Variants in ATF7 observed in about 807,000 individuals in gnomAD.
ATF7 encodes activating transcription factor 7.
ATF7 carries 10 observed loss-of-function variants against 50.4 expected under a neutral mutation model. That is an observed-to-expected ratio of 0.20 (90% CI 0.12 to 0.34). The LOEUF (loss-of-function observed/expected upper bound fraction) is 0.34. ATF7 is among the 10% of genes least tolerant of loss of function. The probability of loss-of-function intolerance (pLI) is 1.00; values close to 1 mark genes in which losing one functional copy is unlikely to be tolerated. For synonymous variants in ATF7, 201 were observed against 226.4 expected (o/e 0.89, Z 1.01); for missense variants, 465 against 613.9 (o/e 0.76, Z 2.56).
intron 1 of ATF7, among the ~76,000 whole-genome samples, chr12:53,611,433 C>T (rs940058567): frequency 2.6e-5 from 4 of 151,658 alleles, no homozygotes; most frequent in Non-Finnish European, 5.9e-5. Context: ...AGCCTGGTGA[C>T]AGAGCGAGAC....
At chr12:53,531,655 A>G (rs1938898302) in intron 9 of ATF7, 89 bp downstream of exon 9, 2 of 1,385,004 alleles carry the variant, frequency 1.4e-6, no homozygotes, top group East Asian at 2.6e-5. Flanking sequence ...GCTGAAGTCC[A>G]TTCTTCTCTA....
chr12:53,548,555 A>C (rs1228176412), intron 3 of ATF7, among the ~76,000 whole-genome samples: 1 of 151,804 alleles, frequency 6.6e-6, no homozygotes, highest in African/African-American at 2.4e-5. Flanking sequence ...CTGGCCTCTA[A>C]CTCCTGGGCT....
chr12:53,550,370 T>C, intron 3 of ATF7, among the ~76,000 whole-genome samples: 1 of 135,182 alleles, frequency 7.4e-6, no homozygotes, highest in Admixed American at 7.6e-5. Flanking sequence ...AAATAAATAA[T>C]AAATATAAAT....
intron 2 of ATF7, among the ~76,000 whole-genome samples, chr12:53,559,741 A>G (rs1940988224): frequency 6.6e-6 from 1 of 151,862 alleles, no homozygotes; most frequent in Non-Finnish European, 1.5e-5. Flanking sequence ...TAATTTTTAA[A>G]TTTGCATAAA....
intron 1 of ATF7, among the ~76,000 whole-genome samples, chr12:53,602,299 A>G (rs1375899453): frequency 6.6e-6 from 1 of 152,222 alleles, no homozygotes; most frequent in Non-Finnish European, 1.5e-5. Context: ...TCTTGGAAAT[A>G]AACTGAAATG....
chr12:53,534,601 C>A lies in ATF7; in HGVS notation c.461G>T (p.Gly154Val), dbSNP rs1272616708. 1.2e-6 allele frequency: 2 copies of A among 1,613,396 alleles called. No homozygotes were observed. Among genetic ancestry groups the A allele is most frequent in the African/African-American group, 2.7e-5 (2 of 74,870 alleles). Residue 154 changes from glycine (G) to valine (V), a missense_variant, in exon 6 of 12, where the codon GGC becomes GTC. Physicochemically the swap from Gly to Val is moderately radical, Grantham distance 109. Transcript: ENST00000420353. ...ATAGCCCAAGTGGAGAGGCAGGGAG[C>A]CAGGACGTACAATGGTGGGTGTGGG... ...STPTPTIVRP[G>V]SLPLHLGYDP...
chr12:53,578,675 T>G (rs1209896210), intron 2 of ATF7, among the ~76,000 whole-genome samples: 1 of 151,052 alleles, frequency 6.6e-6, no homozygotes, highest in Non-Finnish European at 1.5e-5. Context: ...TTCCAGCTAC[T>G]CCAGTGGCTG....
At chr12:53,623,560 T>C (rs372816855) in intron 1 of ATF7, among the ~76,000 whole-genome samples, 10 of 152,348 alleles carry the variant, frequency 6.6e-5, no homozygotes, top group East Asian at 3.9e-4. Context: ...TATACCAGTA[T>C]GCTAACTAGT....
intron 11 of ATF7, among the ~76,000 whole-genome samples, chr12:53,517,784 A>G (rs1044946959): frequency 6.7e-6 from 1 of 149,660 alleles, no homozygotes; most frequent in African/African-American, 2.5e-5. Flanking sequence ...TCATTTCTTT[A>G]AAGATGATTT....
chr12:53,609,868 G>A (rs1943783320), intron 1 of ATF7, among the ~76,000 whole-genome samples: 1 of 128,976 alleles, frequency 7.8e-6, no homozygotes, highest in Non-Finnish European at 1.5e-5. Context: ...CCAGGCTGGA[G>A]TGCAGTGGTG....
chr12:53,626,159 C>T (rs1410077586), intron 1 of ATF7, 120 bp downstream of exon 1: 2 of 153,066 alleles, frequency 1.3e-5, no homozygotes, highest in Non-Finnish European at 2.9e-5. Flanking sequence ...GCCACCGCCT[C>T]AGCGCCCCCG....
At chr12:53,565,614 T>C (rs1411004018) in intron 2 of ATF7, among the ~76,000 whole-genome samples, 1 of 152,028 alleles carries the variant, frequency 6.6e-6, no homozygotes, top group Non-Finnish European at 1.5e-5. Flanking sequence ...TACTTCGGCC[T>C]CCTGAGTAGC....
chr12:53,565,741 C>T (rs1330552964), intron 2 of ATF7, among the ~76,000 whole-genome samples: 1 of 152,152 alleles, frequency 6.6e-6, no homozygotes, highest in Non-Finnish European at 1.5e-5. Context: ...GATCCACCTG[C>T]CTCAGCTTCC....
At chr12:53,542,298 G>C (rs935620349) in intron 4 of ATF7, among the ~76,000 whole-genome samples, 13 of 151,678 alleles carry the variant, frequency 8.6e-5, no homozygotes, top group Non-Finnish European at 2.9e-5. Context: ...GTGGTGGTGG[G>C]CGCCTGTAGT....
chr12:53,531,400 C>T, intron 9 of ATF7, among the ~76,000 whole-genome samples: 1 of 131,794 alleles, frequency 7.6e-6, no homozygotes, highest in South Asian at 2.6e-4. Context: ...CCAGCCCAGG[C>T]AACAAGAGCG....
intron 1 of ATF7, among the ~76,000 whole-genome samples, chr12:53,620,421 A>G (rs1350288857): frequency 2.0e-5 from 3 of 151,288 alleles, no homozygotes; most frequent in African/African-American, 7.3e-5. Context: ...CTAAAAATAC[A>G]AAAAATTAGC....
At chr12:53,533,068 T>C in intron 7 of ATF7, 92 bp downstream of exon 7, 1 of 1,162,626 alleles carries the variant, frequency 8.6e-7, no homozygotes, top group Admixed American at 2.0e-5. Flanking sequence ...AGCCCACATT[T>C]CCCTGGGGCT....
At chr12:53,615,300 C>A (rs1565603029) in intron 1 of ATF7, among the ~76,000 whole-genome samples, 1 of 151,924 alleles carries the variant, frequency 6.6e-6, no homozygotes, top group Non-Finnish European at 1.5e-5. Context: ...AGAAGAATGG[C>A]ATGAACCCGG....
At chr12:53,603,724 T>C (rs1018687822) in intron 1 of ATF7, among the ~76,000 whole-genome samples, 2 of 145,080 alleles carry the variant, frequency 1.4e-5, no homozygotes, top group African/African-American at 5.0e-5. Context: ...GTCTCCCCAT[T>C]AAAAAAAAAA....
Sources: gnomAD v4.1 joint callset for allele counts (sites outside exome capture counted in the v4.1 genomes callset) on GRCh38, gnomAD v4.1.1 for gene constraint, MANE v1.5 for transcripts, NCBI Gene and HGNC (gene_info 2026-07-23, HGNC 2026-07-21) for gene names.